The following IFT57 variants were observed in gnomAD, a reference collection of about 807,000 sequenced individuals.
IFT57 encodes the protein intraflagellar transport protein 57 homolog.
Under a neutral mutation model 56.8 loss-of-function variants are expected in IFT57, and 59 were observed. The ratio of observed to expected loss-of-function variants is 1.04; its 90% confidence interval spans 0.84 to 1.29. The LOEUF is 1.29. Ranked by LOEUF, IFT57 falls within the 50% of genes most tolerant of loss-of-function variation. IFT57 has a pLI of 0.00. For synonymous variants in IFT57, 209 were observed against 186.1 expected (o/e 1.12, Z -1.00); for missense variants, 470 against 522.1 (o/e 0.90, Z 0.97).
intron 1 of IFT57, 59 bp from the exon 2 acceptor site, chr3:108,219,631 T>C: frequency 6.6e-7 from 1 of 1,523,872 alleles, no homozygotes; most frequent in Non-Finnish European, 9.1e-7. Flanking sequence ...AAGTCTATAA[T>C]AACTAATAGG....
intron 6 of IFT57, among the ~76,000 whole-genome samples, chr3:108,189,282 G>C (rs1374910288): frequency 6.6e-6 from 1 of 152,160 alleles, no homozygotes; most frequent in African/African-American, 2.4e-5. Flanking sequence ...AATAGAATTT[G>C]TTCTACAGCT....
chr3:108,213,118 A>G (rs992209220), intron 4 of IFT57, among the ~76,000 whole-genome samples: 3 of 152,208 alleles, frequency 2.0e-5, no homozygotes, highest in Admixed American at 6.5e-5. Context: ...AGAATACAGT[A>G]TATAATACAT....
chr3:108,203,114 G>A (rs1262138713), intron 5 of IFT57, among the ~76,000 whole-genome samples: 1 of 152,216 alleles, frequency 6.6e-6, no homozygotes, highest in East Asian at 1.9e-4. Flanking sequence ...AGCTTCCGCA[G>A]AGAGCCATTT....
Position 108,208,013 on chromosome 3 carries a change from A to G in IFT57, c.586-1317T>C, listed in dbSNP as rs371489500. Among the ~76,000 whole-genome samples the G allele has an allele frequency of 3.3e-5, 5 of 150,508 alleles. No individual in the cohort carries two copies. The South Asian group carries it at 8.6e-4, about 26-fold the overall frequency. On this transcript the variant is annotated intron_variant, in intron 4 of 10. Transcript: ENST00000264538. Reference sequence around the variant, plus strand: ...AGCCGAGATTGTGCCACTGCACTCCAGCCTGGGCGACAGAGCGAGACTCCG... The same window carrying G: ...AGCCGAGATTGTGCCACTGCACTCCGGCCTGGGCGACAGAGCGAGACTCCG...
chr3:108,203,076 T>C (rs2080288273), intron 5 of IFT57, among the ~76,000 whole-genome samples: 1 of 152,244 alleles, frequency 6.6e-6, no homozygotes, highest in Non-Finnish European at 1.5e-5. Flanking sequence ...CTTCAGAGAA[T>C]GTGGCCAGCA....
chr3:108,166,913 T>G lies in IFT57; in HGVS notation c.922A>C (p.Asn308His), dbSNP rs956796110. Reference sequence around the variant, plus strand: ...TGAACCAAATTCTCAAGCTGATTGTTGATGTACTTTTCTCGGCTGCTGATC... The same window carrying G: ...TGAACCAAATTCTCAAGCTGATTGTGGATGTACTTTTCTCGGCTGCTGATC... Reference protein sequence around the residue: ...EKISSREKYINNQLENLVQEY... With the variant: ...EKISSREKYIHNQLENLVQEY... The change falls in exon 8 of 11, where the codon AAC (asparagine) becomes CAC (histidine). Residue 308 changes from asparagine (N) to histidine (H), a missense_variant. By Grantham distance (68) the Asn-to-His change is moderately conservative. Transcript: ENST00000264538. 2 of 1,611,762 alleles carry G rather than the reference T, an allele frequency of 1.2e-6. No homozygotes were observed. Among genetic ancestry groups the G allele is most frequent in the Non-Finnish European group, 1.7e-6 (2 of 1,178,624 alleles).
chr3:108,201,442 T>C (rs971216460), intron 5 of IFT57, among the ~76,000 whole-genome samples: 5 of 152,186 alleles, frequency 3.3e-5, no homozygotes, highest in Admixed American at 2.0e-4. Flanking sequence ...CACCTCCAGA[T>C]GTAAAACTGA....
intron 5 of IFT57, among the ~76,000 whole-genome samples, chr3:108,195,075 A>C (rs988771976): frequency 2.6e-5 from 4 of 152,162 alleles, no homozygotes; most frequent in African/African-American, 9.6e-5. Context: ...ACCCATCTGA[A>C]AGGGGATTAA....
intron 3 of IFT57, 35 bp downstream of exon 3, chr3:108,218,500 A>G (rs2080385815): frequency 1.0e-6 from 1 of 976,706 alleles, no homozygotes; most frequent in African/African-American, 1.7e-5. Context: ...TGCTATGCCC[A>G]TAAAATTACT....
At chr3:108,192,792 GGAT>G (rs2080223418) in intron 5 of IFT57, among the ~76,000 whole-genome samples, 2 of 151,896 alleles carry the variant, frequency 1.3e-5, no homozygotes, top group Admixed American at 1.3e-4. Flanking sequence ...GGGAGATACT[GGAT>G]GATATTAAGA....
In IFT57 at chr3:108,191,614, ATCT is replaced by A; in HGVS notation, c.681_683del (p.Glu227del). 6.2e-6 allele frequency: 10 copies of A among 1,609,438 alleles called. No individual in the cohort carries two copies. The highest frequency in any genetic ancestry group is 8.5e-6 in the Non-Finnish European group (10 of 1,176,930). ...CAGCATCTGTTGTGGATTCCAAAAT[ATCT>A]TCTTGTTTGGCAGTCTCGTTCATAT... On this transcript the variant is annotated inframe_deletion, in exon 6 of 11. Coordinates refer to ENST00000264538, the MANE Select transcript of IFT57 (RefSeq NM_018010.4).
intron 1 of IFT57, 101 bp from the exon 2 acceptor site, chr3:108,219,673 TC>T (rs1240790354): frequency 3.3e-6 from 4 of 1,225,138 alleles, no homozygotes; most frequent in Non-Finnish European, 4.7e-6. Flanking sequence ...CAATCTTTCT[TC>T]CCCCCAAATG....
At chr3:108,206,775 C>T (rs910572576) in intron 4 of IFT57, 79 bp from the exon 5 acceptor site, 3 of 370,960 alleles carry the variant, frequency 8.1e-6, no homozygotes, top group Non-Finnish European at 1.3e-5. Context: ...ATATGCTATA[C>T]TAAGCTATAT....
At chr3:108,218,869 TA>T (rs1444497721) in intron 2 of IFT57, among the ~76,000 whole-genome samples, 1 of 152,130 alleles carries the variant, frequency 6.6e-6, no homozygotes, top group Non-Finnish European at 1.5e-5. Context: ...AGTATCAAAT[TA>T]AAAAGCAATA....
intron 6 of IFT57, among the ~76,000 whole-genome samples, chr3:108,190,124 T>G (rs2080207194): frequency 6.6e-6 from 1 of 152,154 alleles, no homozygotes; most frequent in South Asian, 2.1e-4. Flanking sequence ...CCTGTGCAGT[T>G]CAAACCCTGA....
Position 108,165,466 on chromosome 3 carries a change from C to A in IFT57, c.1009G>T (p.Gly337Ter). The A allele has an allele frequency of 6.2e-7, 1 of 1,612,754 alleles. No individual in the cohort carries two copies. Among genetic ancestry groups the A allele is most frequent in the Non-Finnish European group, 8.5e-7 (1 of 1,179,070 alleles). ...AGTCTGGTTCTTTCCGTCACTCCTC[C>A]ATTTCCCTGCTGGTATCGCTCCTTT... ...EAKERYQQGNGGVTERTRLLS... is the reference protein window; with the variant it reads ...EAKERYQQGN The change falls in exon 9 of 11, where the codon GGA (glycine) becomes TGA (stop). Residue 337 changes from glycine (G) to a stop codon, truncating the protein, a stop_gained. Coordinates refer to ENST00000264538, the MANE Select transcript of IFT57 (RefSeq NM_018010.4). LOFTEE classifies it high-confidence loss of function.
intron 6 of IFT57, among the ~76,000 whole-genome samples, chr3:108,178,935 ATGC>A (rs1192548112): frequency 2.6e-5 from 4 of 151,314 alleles, no homozygotes; most frequent in African/African-American, 9.8e-5. Context: ...TGTGTACATA[ATGC>A]TGCTATGAAA....
intron 6 of IFT57, among the ~76,000 whole-genome samples, chr3:108,176,639 C>CT (rs1577049336): frequency 1.3e-5 from 2 of 151,796 alleles, no homozygotes; most frequent in African/African-American, 4.8e-5. Context: ...AATAACCTTA[C>CT]TAGAACCATT....
intron 6 of IFT57, among the ~76,000 whole-genome samples, chr3:108,176,529 T>C (rs2080124799): frequency 6.6e-6 from 1 of 151,888 alleles, no homozygotes; most frequent in South Asian, 2.1e-4. Context: ...TCAAAGTTTG[T>C]ACATTAAATG....
Sources: gnomAD v4.1 joint callset for allele counts (sites outside exome capture counted in the v4.1 genomes callset) on GRCh38, gnomAD v4.1.1 for gene constraint, MANE v1.5 for transcripts, NCBI Gene and HGNC (gene_info 2026-07-23, HGNC 2026-07-21) for gene names.